The following QRICH2 variants were observed in gnomAD, a reference collection of about 807,000 sequenced individuals.
The protein encoded by QRICH2 is glutamine rich 2, also known as glutamine-rich protein 2.
Under a neutral mutation model 168.3 loss-of-function variants are expected in QRICH2, and 119 were observed. The ratio of observed to expected loss-of-function variants is 0.71; its 90% confidence interval spans 0.61 to 0.82. The LOEUF is 0.82. Among genes scored for constraint, QRICH2 ranks in the 40% least tolerant of loss-of-function variants. The pLI is 0.00. For synonymous variants in QRICH2, 894 were observed against 951.2 expected (o/e 0.94, Z 1.11); for missense variants, 2,241 against 2,491.6 (o/e 0.90, Z 2.14).
chr17:76,297,868 C>CTTTTTTTTTTT (rs1344325680), intron 3 of QRICH2, among the ~76,000 whole-genome samples: 11 of 96,006 alleles, frequency 1.1e-4, no homozygotes, highest in Admixed American at 3.9e-4. Context: ...ACTTAGGAAT[C>CTTTTTTTTTTT]TGTTTTTTTT....
chr17:76,278,915 C>G, intron 14 of QRICH2, 126 bp downstream of exon 14: 2 of 808,894 alleles, frequency 2.5e-6, no homozygotes, highest in South Asian at 3.0e-5. Flanking sequence ...GCTCTCCACA[C>G]TGTCCCACAG....
At position 76,280,608 on chromosome 17, in the gene QRICH2, G is replaced by A. The variant is rs761022850; in HGVS notation, c.4461+46C>T. 6.2e-6 allele frequency: 10 copies of A among 1,610,468 alleles called. 1 individual carries two copies. Among genetic ancestry groups the A allele is most frequent in the Middle Eastern group, 1.7e-4 (1 of 6,048 alleles). On this transcript the variant is annotated intron_variant, in intron 10 of 18. Coordinates refer to ENST00000680821, the MANE Select transcript of QRICH2 (RefSeq NM_001388453.1). The surrounding 1 kb of genome is among the most constrained non-coding windows in gnomAD (Gnocchi z 7.4). ...CTCAGTCTCTCAAAGAACAGTCAGC[G>A]AGACCGCCCTGGGACACAGCGTGGC...
intron 7 of QRICH2, among the ~76,000 whole-genome samples, chr17:76,284,693 C>CT (rs2070850101): frequency 6.6e-6 from 1 of 151,918 alleles, no homozygotes; most frequent in East Asian, 1.9e-4. Context: ...TGGCAGGCGC[C>CT]TGTAATCCCA....
chr17:76,285,738 A>G (rs948265654), intron 7 of QRICH2, among the ~76,000 whole-genome samples: 4 of 151,960 alleles, frequency 2.6e-5, no homozygotes, highest in African/African-American at 9.7e-5. Flanking sequence ...AATCCCAGCT[A>G]CTTGGGAGGC....
At chr17:76,288,294 G>C (rs1598487532) in intron 5 of QRICH2, among the ~76,000 whole-genome samples, 1 of 144,416 alleles carries the variant, frequency 6.9e-6, no homozygotes, top group Non-Finnish European at 1.5e-5. Context: ...TGAGACACGA[G>C]AATCATTTGA....
At chr17:76,287,677 C>T in intron 6 of QRICH2, 123 bp downstream of exon 6, 1 of 746,914 alleles carries the variant, frequency 1.3e-6, no homozygotes, top group Non-Finnish European at 2.4e-6. Context: ...GAAGAGCAGA[C>T]ACAATCCAGG....
rs141630406 is a variant in QRICH2 at position 76,292,062 on chromosome 17, G to A, written c.2665C>T (p.Arg889Cys). The A allele has an allele frequency of 1.4e-3, 2,197 of 1,614,112 alleles. 2 individuals are homozygous for A. Among genetic ancestry groups the A allele is most frequent in the Non-Finnish European group, 1.7e-3 (2,000 of 1,180,016 alleles). The part of the protein sequence containing the change: ...RGLVQPGMDQ[R>C]GLIQPGADQP... ...TCTGCACCAGGTTGGATCAAACCAC[G>A]CTGGTCCATTCCAGGTTGGACCAAA... Residue 889 changes from arginine to cysteine, a missense_variant, in exon 4 of 19, where the codon CGT becomes TGT. Transcript: ENST00000680821.
Position 76,278,159 on chromosome 17 carries a change from AC to A in QRICH2, c.4946del (p.Gly1649ValfsTer21). 1 of 1,609,818 alleles carries A rather than the reference AC, an allele frequency of 6.2e-7. No homozygotes were observed. ...NLKLGSAFPR[G>X]DLAQMEQSVG... ...CGCTCTGCTCCATCTGCGCCAGGTC[AC>A]CCCGAGGGAAGGCGCTGCCCAGCTT... On this transcript the variant is annotated frameshift_variant, in exon 15 of 19. Transcript: ENST00000680821. LOFTEE classifies it high-confidence loss of function.
intron 5 of QRICH2, 38 bp downstream of exon 5, chr17:76,289,951 CAAA>C (rs370221376): frequency 7.6e-4 from 883 of 1,157,062 alleles, no homozygotes; most frequent in East Asian, 8.9e-4. Context: ...AACTCCATCT[CAAA>C]AAAAAAAAAA....
At chr17:76,302,969 C>G (rs1229332614) in intron 3 of QRICH2, among the ~76,000 whole-genome samples, 1 of 151,884 alleles carries the variant, frequency 6.6e-6, no homozygotes, top group Non-Finnish European at 1.5e-5. Flanking sequence ...CTGCAACCTC[C>G]GCCTCCCGAG....
At chr17:76,300,910 C>T (rs970832430) in intron 3 of QRICH2, among the ~76,000 whole-genome samples, 3 of 152,014 alleles carry the variant, frequency 2.0e-5, no homozygotes, top group South Asian at 2.1e-4. Flanking sequence ...AAAAATTAGC[C>T]GGGCGTGGTG....
At position 76,292,095 on chromosome 17, in the gene QRICH2, G is replaced by C; in HGVS notation, c.2632C>G (p.Gln878Glu). The C allele has an allele frequency of 1.9e-6, 3 of 1,613,206 alleles. No homozygotes were observed. The highest frequency in any genetic ancestry group is 2.5e-6 in the Non-Finnish European group (3 of 1,179,248). Residue 878 changes from glutamine (Q) to glutamate (E), a missense_variant, in exon 4 of 19, where the codon CAG becomes GAG. Gln to Glu is a conservative substitution (Grantham distance 29, BLOSUM62 2). Around this residue, in one of 3 missense-constraint regions of QRICH2, gnomAD observed 2,047 missense variants for 2,303.8 expected, o/e 0.89. Coordinates refer to ENST00000680821, the MANE Select transcript of QRICH2 (RefSeq NM_001388453.1). ...ATTCCAGGTTGGACCAAACCACGCT[G>C]ATCCACTCCAGGTTGCACCAAACCA... ...QRGLVQPGVD[Q>E]RGLVQPGMDQ... is the part of the protein sequence containing the mutation.
chr17:76,304,579 C>G, intron 2 of QRICH2, 54 bp from the exon 3 acceptor site: 3 of 1,300,960 alleles, frequency 2.3e-6, no homozygotes, highest in Non-Finnish European at 2.2e-6. Flanking sequence ...TCCCAAGCAG[C>G]TTTAGGAACA....
At chr17:76,308,350 G>C, upstream of QRICH2, 1 of 985,436 alleles carries the variant, frequency 1.0e-6, no homozygotes, top group Non-Finnish European at 1.2e-6. Flanking sequence ...CGGGGGCGGG[G>C]GGAAGTAAAG....
rs9912350 is a variant in QRICH2 at position 76,288,014 on chromosome 17, C to T, written c.3799-117G>A. On this transcript the variant is annotated intron_variant, in intron 5 of 18. Transcript: ENST00000680821. ...TTCCCTCTACTAACCCAACCCCCTC[C>T]GACAAAAGCCAGGAGCCCTTGTGGA... 7.4e-4 allele frequency: 551 copies of T among 740,386 alleles called. 2 individuals are homozygous for T. Among genetic ancestry groups the T allele is most frequent in the African/African-American group, 7.0e-3 (404 of 57,716 alleles). 45.9% of individuals were successfully genotyped at this position (740,386 alleles called of 1,614,324 possible). A position where few individuals can be genotyped will look rare whatever the true frequency, so the allele number is the denominator to read the frequency against.
chr17:76,282,073 AG>A lies in QRICH2; in HGVS notation c.4053del (p.Ser1352ProfsTer7). On this transcript the variant is annotated frameshift_variant, in exon 8 of 19. Coordinates refer to ENST00000680821, the MANE Select transcript of QRICH2 (RefSeq NM_001388453.1). LOFTEE classifies it high-confidence loss of function. ...LRMIIESMLT[S>X]SSTLLSMSMA... The stretch of plus-strand genomic sequence containing the variant: ...ATGCTCATGGACAGGAGCGTGGAGG[AG>A]GAGGTCAGCATGCTCTCAATGATCA... 1.2e-6 allele frequency: 2 copies of A among 1,611,448 alleles called. No individual in the cohort carries two copies. The highest frequency in any genetic ancestry group is 1.7e-6 in the Non-Finnish European group (2 of 1,178,024).
chr17:76,309,597 C>A (rs2071047232), upstream of QRICH2: 1 of 152,228 alleles, frequency 6.6e-6, no homozygotes, highest in African/African-American at 2.4e-5. Context: ...CCTCCGTGAG[C>A]TCTGCATCTG....
At position 76,299,693 on chromosome 17, in the gene QRICH2, C is replaced by T. The variant is rs180871287; in HGVS notation, c.705+4722G>A. Among the ~76,000 whole-genome samples, 135 of 151,902 alleles carry T rather than the reference C, an allele frequency of 8.9e-4. 2 individuals carry two copies. The Middle Eastern group carries it at 0.017, about 19-fold the overall frequency. On this transcript the variant is annotated intron_variant, in intron 3 of 18. Coordinates refer to ENST00000680821, the MANE Select transcript of QRICH2 (RefSeq NM_001388453.1). ...TGAACGTTGCAGTGAGCCAAGATTG[C>T]GCCACTGCACTCCAGCATGGGCGAC...
chr17:76,274,527 C>T (rs1459392635), intron 18 of QRICH2, among the ~76,000 whole-genome samples: 5 of 152,206 alleles, frequency 3.3e-5, no homozygotes, highest in Admixed American at 2.6e-4. Context: ...CTCTTTGGTA[C>T]TGTTTCCTGT....
Sources: gnomAD v4.1 joint callset for allele counts (sites outside exome capture counted in the v4.1 genomes callset) on GRCh38, gnomAD v4.1.1 for gene constraint, gnomAD v4.1.1 regional missense constraint, Gnocchi (gnomAD v3.1) non-coding constraint, MANE v1.5 for transcripts, NCBI Gene and HGNC (gene_info 2026-07-23, HGNC 2026-07-21) for gene names.